Variants in ARHGAP25 observed in about 807,000 individuals in gnomAD.
The protein encoded by ARHGAP25 is rho GTPase-activating protein 25.
A neutral mutation model predicts 71.0 loss-of-function variants in ARHGAP25; 34 were observed. The observed-to-expected ratio is 0.48, with a 90% CI of 0.36 to 0.64. The LOEUF is 0.64. Among genes scored for constraint, ARHGAP25 ranks in the 30% least tolerant of loss-of-function variants. The pLI is 0.00. For missense variants in ARHGAP25, 706 were observed against 805.1 expected, an observed-to-expected ratio of 0.88 and a Z score of 1.49; for synonymous variants, 282 against 296.5, an observed-to-expected ratio of 0.95 and a Z score of 0.50.
intron 2 of ARHGAP25, among the ~76,000 whole-genome samples, chr2:68,778,865 G>A (rs1455888141): frequency 6.6e-6 from 1 of 152,206 alleles, no homozygotes; most frequent in Non-Finnish European, 1.5e-5. Context: ...GGAGAATCCT[G>A]TGGCCCTACA....
intron 4 of ARHGAP25, among the ~76,000 whole-genome samples, chr2:68,803,173 C>T (rs769853910): frequency 1.2e-4 from 19 of 152,072 alleles, no homozygotes; most frequent in Non-Finnish European, 1.5e-4. Context: ...ATGCACCAAA[C>T]GAGCAGGTGG....
intron 1 of ARHGAP25, among the ~76,000 whole-genome samples, chr2:68,738,304 T>C (rs1482866820): frequency 2.0e-5 from 3 of 152,210 alleles, no homozygotes; most frequent in Admixed American, 6.5e-5. Context: ...TTGAAAGAGT[T>C]ACATGGCTTC....
intron 9 of ARHGAP25, among the ~76,000 whole-genome samples, chr2:68,821,379 C>T (rs1179604589): frequency 6.6e-6 from 1 of 152,200 alleles, no homozygotes; most frequent in African/African-American, 2.4e-5. Context: ...GGATTACAGG[C>T]ATCAGCCGCT....
chr2:68,815,631 C>T (rs971551706), intron 6 of ARHGAP25, among the ~76,000 whole-genome samples: 3 of 151,956 alleles, frequency 2.0e-5, no homozygotes, highest in African/African-American at 4.8e-5. Context: ...ATTGTGTACT[C>T]TCACAAGCAC....
chr2:68,750,418 G>A (rs1198578414), intron 1 of ARHGAP25, among the ~76,000 whole-genome samples: 3 of 150,752 alleles, frequency 2.0e-5, no homozygotes, highest in African/African-American at 7.3e-5. Flanking sequence ...TGCCTCCCTA[G>A]TTCAAGCGAT....
At chr2:68,805,985 A>G (rs1217689555) in intron 4 of ARHGAP25, among the ~76,000 whole-genome samples, 1 of 152,214 alleles carries the variant, frequency 6.6e-6, no homozygotes, top group Non-Finnish European at 1.5e-5. Context: ...CCTGATTTGT[A>G]AATTTGTCTT....
intron 2 of ARHGAP25, among the ~76,000 whole-genome samples, chr2:68,778,192 A>G (rs1204317718): frequency 6.6e-6 from 1 of 152,228 alleles, no homozygotes; most frequent in African/African-American, 2.4e-5. Context: ...GCCCAGTGGT[A>G]GGGGCTAACT....
rs192533077 is a variant in ARHGAP25, at chr2:68,777,093, C to T, written c.261+1673C>T. Reference sequence around the variant, plus strand: ...GTGCATGGTAACCAGCCTTCCTTCTCTTTATAAACACCCCAGACCTTATTA... The same window carrying T: ...GTGCATGGTAACCAGCCTTCCTTCTTTTTATAAACACCCCAGACCTTATTA... On this transcript the variant is annotated intron_variant, in intron 2 of 10. Coordinates refer to ENST00000409202, the MANE Select transcript of ARHGAP25 (RefSeq NM_001007231.3). Among the ~76,000 whole-genome samples the T allele has an allele frequency of 3.6e-3, 552 of 152,218 alleles. 3 individuals carry two copies. The highest frequency in any genetic ancestry group is 6.8e-3 in the Middle Eastern group (2 of 294).
chr2:68,785,714 A>T (rs11682171), intron 3 of ARHGAP25, among the ~76,000 whole-genome samples: 62,135 of 151,954 alleles, frequency 0.41, 12,912 homozygotes, highest in Middle Eastern at 0.44. Flanking sequence ...GAGTAGGGGG[A>T]AGAAAGGTCC....
At chr2:68,825,611 A>C (rs548620805) in intron 10 of ARHGAP25, among the ~76,000 whole-genome samples, 3 of 151,890 alleles carry the variant, frequency 2.0e-5, no homozygotes, top group African/African-American at 4.8e-5. Flanking sequence ...TAAAAATACA[A>C]AAAAAAAGAA....
At position 68,822,596 on chromosome 2, in the gene ARHGAP25, C is replaced by T. The variant is rs1477253514; in HGVS notation, c.1457C>T (p.Thr486Met). ...EAKAGEGHRR[T>M]MSQDLRQLSD... is the part of the protein sequence containing the mutation. ...AAGGCAGGGGAAGGGCACAGGAGAACGATGTCTCAAGACTTGCGCCAACTT... is the reference window on the plus strand; with the variant it reads ...AAGGCAGGGGAAGGGCACAGGAGAATGATGTCTCAAGACTTGCGCCAACTT... The change falls in exon 10 of 11, where the codon ACG (threonine) becomes ATG (methionine). Residue 486 changes from threonine (T) to methionine (M), a missense_variant. Physicochemically the swap from Thr to Met is moderately conservative, Grantham distance 81 (BLOSUM62 -1). Coordinates refer to ENST00000409202, the MANE Select transcript of ARHGAP25 (RefSeq NM_001007231.3). The T allele has an allele frequency of 3.1e-6, 5 of 1,614,160 alleles. No individual in the cohort carries two copies. Among genetic ancestry groups the T allele is most frequent in the Admixed American group, 1.7e-5 (1 of 60,034 alleles).
At chr2:68,816,142 TTA>T (rs1393259061) in intron 6 of ARHGAP25, 145 bp from the exon 7 acceptor site, 1 of 725,076 alleles carries the variant, frequency 1.4e-6, no homozygotes, top group Non-Finnish European at 2.4e-6. Context: ...CTTTTTTTTT[TTA>T]AACCCACAGA....
intron 4 of ARHGAP25, among the ~76,000 whole-genome samples, chr2:68,794,210 G>C (rs1679381936): frequency 6.6e-6 from 1 of 152,082 alleles, no homozygotes; most frequent in Non-Finnish European, 1.5e-5. Context: ...CACATCATCA[G>C]CGAATAGGGA....
At position 68,720,273 on chromosome 2, in the gene ARHGAP25, A is replaced by G. The variant is rs76052413; in HGVS notation, c.-18+9575A>G. On this transcript the variant is annotated intron_variant and NMD_transcript_variant, in intron 2 of 7. Coordinates refer to the ARHGAP25 transcript ENST00000463483. ...AGGGTTTAGTGGAGCCATGGGATGA[A>G]ACTGGGAAAAAACAGGAATTGCAGA... is the stretch of plus-strand genomic sequence containing the variant. 9.8e-4 allele frequency among the ~76,000 whole-genome samples: 148 copies of G among 151,378 alleles called. 1 individual carries two copies. Among genetic ancestry groups the G allele is most frequent in the Middle Eastern group, 3.4e-3 (1 of 294 alleles).
At chr2:68,816,232 G>T in intron 6 of ARHGAP25, 57 bp from the exon 7 acceptor site, 1 of 1,439,124 alleles carries the variant, frequency 6.9e-7, no homozygotes, top group Non-Finnish European at 9.8e-7. Context: ...CTCCTTGCTG[G>T]CACATGGGCA....
chr2:68,719,722 C>T (rs746616234), intron 2 of ARHGAP25, among the ~76,000 whole-genome samples: 3 of 152,224 alleles, frequency 2.0e-5, no homozygotes, highest in East Asian at 3.9e-4. Flanking sequence ...AGGCACTTTA[C>T]ATATACATGA....
intron 7 of ARHGAP25, chr2:68,816,574 T>G: frequency 1.8e-6 from 1 of 552,886 alleles, no homozygotes; most frequent in South Asian, 2.1e-5. Context: ...TGCTCCCCCA[T>G]TTAGGCCTGC....
At position 68,819,324 on chromosome 2, in the gene ARHGAP25, G is replaced by A; in HGVS notation, c.1200+5G>A. On this transcript the variant is annotated splice_donor_5th_base_variant and intron_variant, in intron 9 of 10. Coordinates refer to ENST00000409202, the MANE Select transcript of ARHGAP25 (RefSeq NM_001007231.3). ...ACAGACAGCTTCAGTAGCATGGTAA[G>A]GTGCAGAGAACCTTCCTGCTTCCAT... is the stretch of plus-strand genomic sequence containing the variant. 1.9e-6 allele frequency: 3 copies of A among 1,614,022 alleles called. No homozygotes were observed. The highest frequency in any genetic ancestry group is 2.5e-6 in the Non-Finnish European group (3 of 1,179,878).
At chr2:68,809,407 C>T (rs1439976296) in intron 5 of ARHGAP25, among the ~76,000 whole-genome samples, 1 of 152,174 alleles carries the variant, frequency 6.6e-6, no homozygotes, top group African/African-American at 2.4e-5. Flanking sequence ...GTCAACAAAA[C>T]TGGCAAATTA....
Sources: gnomAD v4.1 joint callset for allele counts (sites outside exome capture counted in the v4.1 genomes callset) on GRCh38, gnomAD v4.1.1 for gene constraint, MANE v1.5 for transcripts, NCBI Gene and HGNC (gene_info 2026-07-23, HGNC 2026-07-21) for gene names.